NRG1: variants seen among roughly 807,000 people sequenced by gnomAD.
The protein encoded by NRG1 is neuregulin 1, also known as pro-neuregulin-1, membrane-bound isoform.
In NRG1, 18 loss-of-function variants were observed where a neutral mutation model predicts 63.8. The ratio of observed to expected loss-of-function variants is 0.28; its 90% CI spans 0.19 to 0.42. The LOEUF is 0.42. Ranked by LOEUF, NRG1 falls within the 10% of genes least tolerant of loss-of-function variation. NRG1 has a pLI of 1.00. For synonymous variants in NRG1, 302 were observed against 301.3 expected, an observed-to-expected ratio of 1.00 and a Z score of -0.02; for missense variants, 762 against 814.7, an observed-to-expected ratio of 0.94 and a Z score of 0.79.
rs187384871 is a variant in NRG1 at position 32,748,503 on chromosome 8, T to G, written c.691+5770T>G. ...AGATTTTTTATTTTTTTTATTTTTTTGGGGGGCTTGTTTTCCCCCACTTCC... is the reference window on the plus strand; with the variant it reads ...AGATTTTTTATTTTTTTTATTTTTTGGGGGGGCTTGTTTTCCCCCACTTCC... On this transcript the variant is annotated intron_variant, in intron 7 of 11. Coordinates refer to ENST00000356819, the Ensembl canonical transcript of NRG1. 4.9e-3 allele frequency among the ~76,000 whole-genome samples: 751 copies of G among 152,240 alleles called. 6 individuals carry two copies. Among genetic ancestry groups the G allele is most frequent in the African/African-American group, 0.016 (660 of 41,548 alleles).
intron 1 of NRG1, among the ~76,000 whole-genome samples, chr8:32,151,855 A>AT (rs1837534936): frequency 6.6e-6 from 1 of 152,182 alleles, no homozygotes; most frequent in Admixed American, 6.5e-5. Flanking sequence ...GGTTTCAGAC[A>AT]TTGTCCGTGA....
intron 1 of NRG1, among the ~76,000 whole-genome samples, chr8:31,949,153 G>A (rs1019416646): frequency 3.9e-5 from 6 of 152,132 alleles, no homozygotes; most frequent in Non-Finnish European, 4.4e-5. Context: ...TACTGTGTCA[G>A]GCAGTGTGCT....
intron 1 of NRG1, among the ~76,000 whole-genome samples, chr8:31,859,320 A>G (rs1828249422): frequency 6.6e-6 from 1 of 152,212 alleles, no homozygotes; most frequent in South Asian, 2.1e-4. Flanking sequence ...CATTATTGTT[A>G]TAACTCCTGG....
At chr8:32,690,469 A>T (rs1344598089) in intron 5 of NRG1, among the ~76,000 whole-genome samples, 1 of 152,162 alleles carries the variant, frequency 6.6e-6, no homozygotes, top group Non-Finnish European at 1.5e-5. Flanking sequence ...GATGTATGCC[A>T]TAAGGACAAT....
rs1531747 is a variant in NRG1, at chr8:32,117,755, A to C, written c.38-478073A>C. Among the ~76,000 whole-genome samples the C allele has an allele frequency of 4.3e-3, 657 of 152,202 alleles. 27 individuals carry two copies. In the East Asian group the frequency reaches 0.1, roughly 24 times the overall value. On this transcript the variant is annotated intron_variant, in intron 1 of 10. Coordinates refer to the NRG1 transcript ENST00000519301. Reference sequence around the variant, plus strand: ...ACATATGTATAAGGCATTCCTATGGAATAATCTTAACCTGGTTCTTTGACA... The same window carrying C: ...ACATATGTATAAGGCATTCCTATGGCATAATCTTAACCTGGTTCTTTGACA...
chr8:32,650,957 T>A (rs1214667116), intron 5 of NRG1, among the ~76,000 whole-genome samples: 1 of 152,162 alleles, frequency 6.6e-6, no homozygotes, highest in Non-Finnish European at 1.5e-5. Flanking sequence ...TTGATTCTTC[T>A]TTATCCTGGA....
At chr8:32,165,552 G>A (rs1258402815) in intron 1 of NRG1, among the ~76,000 whole-genome samples, 3 of 152,166 alleles carry the variant, frequency 2.0e-5, no homozygotes, top group East Asian at 3.8e-4. Context: ...GCAGACAGAA[G>A]TAGATGCTGA....
intron 1 of NRG1, among the ~76,000 whole-genome samples, chr8:32,063,819 T>C (rs557734801): frequency 6.6e-5 from 10 of 152,270 alleles, no homozygotes; most frequent in African/African-American, 2.4e-4. Context: ...AATTAACTTA[T>C]ATAAAGTTTT....
chr8:31,777,753 A>G (rs1326392157), intron 1 of NRG1, among the ~76,000 whole-genome samples: 1 of 152,156 alleles, frequency 6.6e-6, no homozygotes, highest in African/African-American at 2.4e-5. Context: ...GTGAAACAGG[A>G]AGGAAGACAG....
At chr8:32,550,596 C>G (rs1364092253) in intron 1 of NRG1, among the ~76,000 whole-genome samples, 1 of 152,104 alleles carries the variant, frequency 6.6e-6, no homozygotes, top group Non-Finnish European at 1.5e-5. Flanking sequence ...TCAAGGGCTC[C>G]CAGCAGCAGT....
chr8:32,479,198 A>G (rs1824908293), intron 1 of NRG1, among the ~76,000 whole-genome samples: 1 of 152,186 alleles, frequency 6.6e-6, no homozygotes, highest in African/African-American at 2.4e-5. Context: ...AAACTGGGCC[A>G]GATGTGGTGG....
At chr8:32,435,174 A>T (rs1818628811) in intron 1 of NRG1, among the ~76,000 whole-genome samples, 2 of 152,278 alleles carry the variant, frequency 1.3e-5, no homozygotes, top group South Asian at 4.1e-4. Flanking sequence ...AATGCCTTTT[A>T]AATCAGATCC....
intron 5 of NRG1, among the ~76,000 whole-genome samples, chr8:32,646,334 C>T (rs1055428189): frequency 1.3e-5 from 2 of 152,138 alleles, no homozygotes; most frequent in Non-Finnish European, 2.9e-5. Context: ...CAGAGCTGTC[C>T]ATGGTTAGGA....
At position 32,577,709 on chromosome 8, in the gene NRG1, T is replaced by TG. The variant is rs536858855; in HGVS notation, c.101-18119_101-18118insG. ...ACCCTTAAACCTTAACACTTTTTTT[T>TG]TTTGTTTTTCGAGACCTTGGTTCTT... On this transcript the variant is annotated intron_variant, in intron 1 of 11. Transcript: ENST00000356819. 2.8e-4 allele frequency among the ~76,000 whole-genome samples: 42 copies of TG among 152,172 alleles called. No homozygotes were observed. The East Asian group carries it at 3.7e-3, about 13-fold the overall frequency.
At chr8:31,992,822 A>G (rs373208344) in intron 1 of NRG1, among the ~76,000 whole-genome samples, 1 of 152,024 alleles carries the variant, frequency 6.6e-6, no homozygotes, top group Non-Finnish European at 1.5e-5. Flanking sequence ...CAGTGTTGTC[A>G]AGTATGAAAT....
intron 1 of NRG1, chr8:32,171,272 A>C (rs1840001222): frequency 6.6e-6 from 1 of 152,218 alleles, no homozygotes; most frequent in Non-Finnish European, 1.5e-5. Flanking sequence ...ACATGTGCAG[A>C]ACATGCAGGT....
At chr8:32,642,391 A>G (rs990135580) in intron 5 of NRG1, among the ~76,000 whole-genome samples, 33 of 152,188 alleles carry the variant, frequency 2.2e-4, no homozygotes, top group African/African-American at 8.0e-4. Context: ...ATGACTGTGA[A>G]CATGTACCCC....
chr8:32,239,890 A>T (rs531022108), intron 1 of NRG1, among the ~76,000 whole-genome samples: 1 of 152,340 alleles, frequency 6.6e-6, no homozygotes, highest in African/African-American at 2.4e-5. Context: ...GGCTAAAGTA[A>T]AAAAGAGTAA....
At position 32,764,283 on chromosome 8, in the gene NRG1, AC is replaced by A. The variant is rs1284879799; in HGVS notation, c.1796del (p.Thr599AsnfsTer30). 6.2e-7 allele frequency: 1 copy of A among 1,614,094 alleles called. No individual in the cohort carries two copies. The highest frequency in any genetic ancestry group is 8.5e-7 in the Non-Finnish European group (1 of 1,180,000). On this transcript the variant is annotated frameshift_variant, in exon 12 of 12. Transcript: ENST00000356819. LOFTEE classifies it high-confidence loss of function. The stretch of plus-strand genomic sequence containing the variant: ...CCCCCTGGCAGCCAGTCTTGAGGCA[AC>A]ACCTGCCTTCCGCCTGGCTGACAGC...
Sources: allele counts gnomAD v4.1 joint callset (sites outside exome capture counted in the v4.1 genomes callset), GRCh38; gene constraint gnomAD v4.1.1; transcripts MANE v1.5; gene names NCBI Gene and HGNC (gene_info 2026-07-23, HGNC 2026-07-21).